Variants in OPCML observed in about 807,000 individuals in gnomAD.
OPCML encodes opioid-binding protein/cell adhesion molecule.
In OPCML, 13 loss-of-function variants were observed where a neutral mutation model predicts 37.8. That is an observed-to-expected ratio of 0.34 (90% CI 0.22 to 0.55). OPCML has a LOEUF of 0.55. Ranked by LOEUF, OPCML falls within the 20% of genes least tolerant of loss-of-function variation. The probability of loss-of-function intolerance (pLI) is 0.91; values close to 1 mark genes in which losing one functional copy is unlikely to be tolerated. For synonymous variants in OPCML, 176 were observed against 168.8 expected, an observed-to-expected ratio of 1.04 and a Z score of -0.33; for missense variants, 341 against 435.6, an observed-to-expected ratio of 0.78 and a Z score of 1.93.
chr11:132,470,196 G>A (rs184465557), intron 4 of OPCML, among the ~76,000 whole-genome samples: 221 of 152,214 alleles, frequency 1.5e-3, no homozygotes, highest in African/African-American at 5.3e-3. Flanking sequence ...AGGGTGCAGA[G>A]GGCATGTTTG....
At chr11:133,165,179 T>A (rs1435440673) in intron 1 of OPCML, among the ~76,000 whole-genome samples, 3 of 152,212 alleles carry the variant, frequency 2.0e-5, no homozygotes, top group Non-Finnish European at 4.4e-5. Context: ...TGGCCTCAGC[T>A]CTCTGCTGGG....
intron 2 of OPCML, among the ~76,000 whole-genome samples, chr11:132,900,642 C>T (rs1944025094): frequency 1.3e-5 from 2 of 152,230 alleles, no homozygotes; most frequent in South Asian, 4.1e-4. Flanking sequence ...TCTCCGCACG[C>T]TGTGACCTCC....
chr11:133,418,262 A>G, intron 1 of OPCML: 1 of 985,406 alleles, frequency 1.0e-6, no homozygotes, highest in African/African-American at 1.7e-5. Context: ...CAAGGTCAAC[A>G]CCATTCTAGA....
rs529562874 is a variant in OPCML, at chr11:132,865,818, T to G, written c.146+77108A>C. 3.3e-5 allele frequency among the ~76,000 whole-genome samples: 5 copies of G among 152,278 alleles called. No homozygotes were observed. In the South Asian group the frequency reaches 1.0e-3, roughly 32 times the overall value. ...TTTTATTATTATTAGAAAAAACTCATAGATAATGTAGAAGGAAATGGCAGG... is the reference window on the plus strand; with the variant it reads ...TTTTATTATTATTAGAAAAAACTCAGAGATAATGTAGAAGGAAATGGCAGG... On this transcript the variant is annotated intron_variant, in intron 2 of 7. Coordinates refer to ENST00000524381, the MANE Select transcript of OPCML (RefSeq NM_001012393.5).
intron 1 of OPCML, among the ~76,000 whole-genome samples, chr11:132,945,079 G>A (rs1373043145): frequency 2.6e-5 from 4 of 152,238 alleles, no homozygotes; most frequent in African/African-American, 9.6e-5. Context: ...ACATATATGT[G>A]TAGGTCTAAA....
intron 2 of OPCML, among the ~76,000 whole-genome samples, chr11:132,750,058 T>C (rs984010202): frequency 6.6e-6 from 1 of 151,966 alleles, no homozygotes; most frequent in Non-Finnish European, 1.5e-5. Flanking sequence ...AATTTTTGTA[T>C]TTTTAGTAAA....
At chr11:133,400,631 A>C (rs1945381850) in intron 1 of OPCML, among the ~76,000 whole-genome samples, 1 of 152,248 alleles carries the variant, frequency 6.6e-6, no homozygotes, top group African/African-American at 2.4e-5. Flanking sequence ...CACAATAATA[A>C]ATTTAAAATT....
At chr11:132,667,551 G>T (rs1942276660) in intron 2 of OPCML, among the ~76,000 whole-genome samples, 1 of 152,158 alleles carries the variant, frequency 6.6e-6, no homozygotes, top group Non-Finnish European at 1.5e-5. Flanking sequence ...TCAGAGAAAA[G>T]TTACAGGGAA....
chr11:133,439,639 T>C (rs551444976), intron 1 of OPCML, among the ~76,000 whole-genome samples: 38 of 151,928 alleles, frequency 2.5e-4, no homozygotes, highest in Non-Finnish European at 4.1e-4. Context: ...GGCTAATTTT[T>C]TGTATTTTTA....
chr11:132,655,434 C>T (rs756623477), intron 3 of OPCML, among the ~76,000 whole-genome samples: 8 of 152,238 alleles, frequency 5.3e-5, no homozygotes, highest in East Asian at 1.9e-4. Context: ...GTGCCTCTGT[C>T]GTCCTCTGAG....
Position 133,212,595 on chromosome 11 carries a change from T to G in OPCML, c.62-269585A>C, listed in dbSNP as rs1450375966. Among the ~76,000 whole-genome samples, 1 of 152,240 alleles carries G rather than the reference T, an allele frequency of 6.6e-6. No individual in the cohort carries two copies. The highest frequency in any genetic ancestry group is 1.5e-5 in the Non-Finnish European group (1 of 68,044). ...ATCTCCCTTACTCTCTTTTACTTTC[T>G]CACTTGTCCAAAGCCCTTGTCATCT... On this transcript the variant is annotated intron_variant, in intron 1 of 7. Transcript: ENST00000524381. The surrounding 1 kb of genome is among the most constrained non-coding windows in gnomAD (Gnocchi z 4.9).
intron 4 of OPCML, among the ~76,000 whole-genome samples, chr11:132,439,324 T>C (rs903649338): frequency 6.6e-6 from 1 of 152,164 alleles, no homozygotes; most frequent in Admixed American, 6.5e-5. Flanking sequence ...TCACCCCCGA[T>C]GGTTCCAGCC....
Position 133,452,792 on chromosome 11 carries a change from T to C in OPCML, c.61+79472A>G, listed in dbSNP as rs1218788926. ...CTTCTGTCAAATGTGAGGCTGGATC[T>C]AAATCAGCTCCAAGGCTTTTGCTAA... On this transcript the variant is annotated intron_variant, in intron 1 of 7. Coordinates refer to ENST00000524381, the MANE Select transcript of OPCML (RefSeq NM_001012393.5). Among the ~76,000 whole-genome samples the C allele has an allele frequency of 5.9e-5, 9 of 151,762 alleles. No individual in the cohort carries two copies. The East Asian group carries it at 1.5e-3, about 26-fold the overall frequency.
In OPCML at chr11:133,212,270, C is replaced by T. The variant is rs551500917; in HGVS notation, c.62-269260G>A. On this transcript the variant is annotated intron_variant, in intron 1 of 7. Transcript: ENST00000524381. The surrounding 1 kb of genome is among the most constrained non-coding windows in gnomAD (Gnocchi z 4.9). ...GGTGCACAAAGTCCTCCTAATAGTCCGTGACAGCCTACACAGCTGGGCATC... is the reference window on the plus strand; with the variant it reads ...GGTGCACAAAGTCCTCCTAATAGTCTGTGACAGCCTACACAGCTGGGCATC... Among the ~76,000 whole-genome samples, 8 of 152,282 alleles carry T rather than the reference C, an allele frequency of 5.3e-5. No individual in the cohort carries two copies. The South Asian group carries it at 1.0e-3, about 20-fold the overall frequency.
At chr11:133,292,181 C>T (rs994373817) in intron 1 of OPCML, among the ~76,000 whole-genome samples, 1 of 152,070 alleles carries the variant, frequency 6.6e-6, no homozygotes, top group Admixed American at 6.5e-5. Flanking sequence ...CATTAAAACA[C>T]CAGAACACTT....
In OPCML at chr11:133,206,807, C is replaced by G. The variant is rs527749849; in HGVS notation, c.62-263797G>C. Among the ~76,000 whole-genome samples, 7 of 152,180 alleles carry G rather than the reference C, an allele frequency of 4.6e-5. No homozygotes were observed. The South Asian group carries it at 1.2e-3, about 27-fold the overall frequency. The stretch of plus-strand genomic sequence containing the variant: ...TCCGCAGGTTTGTGAATGGATGCAG[C>G]ACCCACGCTTACCCTCCACACTCTC... On this transcript the variant is annotated intron_variant, in intron 1 of 7. Transcript: ENST00000524381. This position sits in a 1 kb window ranked among gnomAD's most constrained non-coding sequence, Gnocchi z 4.7.
At chr11:132,724,692 C>T (rs1256231181) in intron 2 of OPCML, among the ~76,000 whole-genome samples, 1 of 152,166 alleles carries the variant, frequency 6.6e-6, no homozygotes, top group Non-Finnish European at 1.5e-5. Flanking sequence ...TTCCTTCTGC[C>T]TACAAGCCTG....
intron 1 of OPCML, among the ~76,000 whole-genome samples, chr11:132,985,729 C>T (rs1946672298): frequency 6.6e-6 from 1 of 152,202 alleles, no homozygotes; most frequent in Non-Finnish European, 1.5e-5. Context: ...GAGGATTATA[C>T]AGGGTACCTG....
intron 1 of OPCML, among the ~76,000 whole-genome samples, chr11:133,157,863 A>G (rs942483286): frequency 2.6e-5 from 4 of 152,206 alleles, no homozygotes; most frequent in African/African-American, 4.8e-5. Flanking sequence ...ATGCAAGAAA[A>G]TGAGCAAAGA....
Sources: allele counts gnomAD v4.1 joint callset (sites outside exome capture counted in the v4.1 genomes callset), GRCh38; gene constraint gnomAD v4.1.1; non-coding constraint Gnocchi (gnomAD v3.1); transcripts MANE v1.5; gene names NCBI Gene and HGNC (gene_info 2026-07-23, HGNC 2026-07-21).